The following NRXN1 variants were observed in gnomAD, a reference collection of about 807,000 sequenced individuals.
The protein encoded by NRXN1 is neurexin-1.
Under a neutral mutation model 150.9 loss-of-function variants are expected in NRXN1, and 39 were observed. The observed-to-expected ratio is 0.26, with a 90% confidence interval of 0.20 to 0.34. NRXN1 has a LOEUF of 0.34. Ranked by LOEUF, NRXN1 falls within the 10% of genes least tolerant of loss-of-function variation. NRXN1 has a pLI of 1.00. For missense variants in NRXN1, 1,815 were observed against 1,949.9 expected, an observed-to-expected ratio of 0.93 and a Z score of 1.30; for synonymous variants, 924 against 757.0, an observed-to-expected ratio of 1.22 and a Z score of -3.62.
At chr2:50,914,409 A>T (rs1684938122) in intron 5 of NRXN1, among the ~76,000 whole-genome samples, 1 of 151,768 alleles carries the variant, frequency 6.6e-6, no homozygotes, top group Non-Finnish European at 1.5e-5. Flanking sequence ...GCAATGAATC[A>T]TGCTATTCAG....
intron 2 of NRXN1, among the ~76,000 whole-genome samples, chr2:50,990,073 T>C (rs900353789): frequency 2.0e-5 from 3 of 152,044 alleles, no homozygotes; most frequent in Admixed American, 2.0e-4. Context: ...TAATGACTAA[T>C]GATGTTGAGC....
rs1681258796 is a variant in NRXN1, at chr2:50,892,705, C to A, written c.832+29164G>T. ...TACCTTGGCCAATAATATAAACATT[C>A]TTTACTTTAAACATACATGGCATAT... On this transcript the variant is annotated intron_variant, in intron 5 of 22. Transcript: ENST00000401669. Among the ~76,000 whole-genome samples, 6 of 152,116 alleles carry A rather than the reference C, an allele frequency of 3.9e-5. No homozygotes were observed. The South Asian group carries it at 1.2e-3, about 32-fold the overall frequency.
chr2:49,964,873 ATAAATG>A (rs1157370137), intron 21 of NRXN1, among the ~76,000 whole-genome samples: 1 of 152,132 alleles, frequency 6.6e-6, no homozygotes, highest in East Asian at 1.9e-4. Context: ...TCTTGAAATG[ATAAATG>A]TAAAAGTTCT....
At chr2:50,992,555 T>C (rs946292101) in intron 2 of NRXN1, among the ~76,000 whole-genome samples, 3 of 151,972 alleles carry the variant, frequency 2.0e-5, no homozygotes, top group African/African-American at 7.2e-5. Context: ...CACTACCTAT[T>C]ATGACAATAA....
intron 15 of NRXN1, among the ~76,000 whole-genome samples, chr2:50,481,435 A>G (rs1453871038): frequency 1.3e-5 from 2 of 152,254 alleles, no homozygotes; most frequent in African/African-American, 4.8e-5. Context: ...TCAAATTCTG[A>G]TACATAAGTA....
At chr2:50,506,303 G>A (rs949797776) in intron 13 of NRXN1, among the ~76,000 whole-genome samples, 192 bp downstream of exon 13, 4 of 152,050 alleles carry the variant, frequency 2.6e-5, no homozygotes, top group Non-Finnish European at 5.9e-5. Context: ...GACATAAAAT[G>A]TGTCATTTTT....
At chr2:50,345,716 G>C (rs1377094067) in intron 17 of NRXN1, among the ~76,000 whole-genome samples, 1 of 152,174 alleles carries the variant, frequency 6.6e-6, no homozygotes, top group East Asian at 1.9e-4. Context: ...TGCCAACCAA[G>C]GCTTTTCTCT....
At chr2:50,865,977 C>T (rs1018395840) in intron 5 of NRXN1, among the ~76,000 whole-genome samples, 34 of 151,584 alleles carry the variant, frequency 2.2e-4, no homozygotes, top group East Asian at 5.9e-4. Flanking sequence ...GACAAAAAAA[C>T]GAACTCCAAA....
chr2:50,090,933 A>AG (rs1448482721), intron 19 of NRXN1, among the ~76,000 whole-genome samples: 1 of 152,120 alleles, frequency 6.6e-6, no homozygotes, highest in Non-Finnish European at 1.5e-5. Context: ...ATTTTCTCTC[A>AG]GAAAAAAAAA....
At chr2:50,719,402 G>A (rs961977471) in intron 5 of NRXN1, among the ~76,000 whole-genome samples, 3 of 151,866 alleles carry the variant, frequency 2.0e-5, no homozygotes, top group Admixed American at 6.6e-5. Flanking sequence ...GGCTGGGTGC[G>A]GTGGCTCATG....
chr2:50,334,262 C>A (rs887369546), intron 17 of NRXN1, among the ~76,000 whole-genome samples: 1 of 148,322 alleles, frequency 6.7e-6, no homozygotes, highest in Non-Finnish European at 1.5e-5. Flanking sequence ...AATACACACA[C>A]ATACATACAC....
At chr2:50,355,358 T>C (rs1180890135) in intron 17 of NRXN1, among the ~76,000 whole-genome samples, 1 of 151,488 alleles carries the variant, frequency 6.6e-6, no homozygotes. Flanking sequence ...TATAGATAAG[T>C]TGGTATGACT....
chr2:50,760,151 C>T (rs953471907), intron 5 of NRXN1, among the ~76,000 whole-genome samples: 1 of 151,868 alleles, frequency 6.6e-6, no homozygotes, highest in Admixed American at 6.6e-5. Flanking sequence ...ATTCATTATT[C>T]TTCAAAGGCC....
chr2:49,994,100 C>G (rs1682504712), intron 21 of NRXN1, among the ~76,000 whole-genome samples: 1 of 152,156 alleles, frequency 6.6e-6, no homozygotes, highest in East Asian at 1.9e-4. Context: ...TTTCCCTTCA[C>G]AAGCAGAGTC....
intron 5 of NRXN1, among the ~76,000 whole-genome samples, chr2:50,852,852 A>G (rs1418510181): frequency 6.6e-6 from 1 of 152,196 alleles, no homozygotes; most frequent in African/African-American, 2.4e-5. Flanking sequence ...CAACTGGCAT[A>G]CACATATTAA....
intron 5 of NRXN1, among the ~76,000 whole-genome samples, chr2:50,908,372 C>CACACACAT (rs1420606786): frequency 6.6e-6 from 1 of 151,872 alleles, no homozygotes; most frequent in African/African-American, 2.4e-5. Flanking sequence ...TACACACACA[C>CACACACAT]ACACACACAC....
chr2:50,115,363 A>C (rs1702916382), intron 18 of NRXN1, among the ~76,000 whole-genome samples: 1 of 151,744 alleles, frequency 6.6e-6, no homozygotes, highest in South Asian at 2.1e-4. Context: ...TCAGGAGTTT[A>C]CCCGAGATTA....
At chr2:50,768,566 C>G (rs1189785088) in intron 5 of NRXN1, among the ~76,000 whole-genome samples, 3 of 151,918 alleles carry the variant, frequency 2.0e-5, no homozygotes, top group Middle Eastern at 3.4e-3. Context: ...GTCGGCCTCC[C>G]AAAGCGCTGG....
At chr2:50,684,786 T>C (rs1225076822) in intron 5 of NRXN1, among the ~76,000 whole-genome samples, 1 of 152,202 alleles carries the variant, frequency 6.6e-6, no homozygotes, top group Non-Finnish European at 1.5e-5. Context: ...AAATCTTACT[T>C]TCCCTTTCAA....
Sources: gnomAD v4.1 joint callset for allele counts (sites outside exome capture counted in the v4.1 genomes callset) on GRCh38, gnomAD v4.1.1 for gene constraint, MANE v1.5 for transcripts, NCBI Gene and HGNC (gene_info 2026-07-23, HGNC 2026-07-21) for gene names.